FHIT: variants seen among roughly 807,000 people sequenced by gnomAD.
The protein encoded by FHIT is fragile histidine triad diadenosine triphosphatase.
A neutral mutation model predicts 17.9 loss-of-function variants in FHIT; 19 were observed. The ratio of observed to expected loss-of-function variants is 1.06; its 90% CI spans 0.74 to 1.56. The LOEUF is 1.56. Among genes scored for constraint, FHIT ranks in the 40% most tolerant of loss-of-function variants. FHIT has a pLI of 0.00. For missense variants in FHIT, 248 were observed against 189.2 expected, an observed-to-expected ratio of 1.31 and a Z score of -1.82; for synonymous variants, 81 against 69.7, an observed-to-expected ratio of 1.16 and a Z score of -0.81.
intron 2 of FHIT, among the ~76,000 whole-genome samples, chr3:61,182,352 T>C (rs2038368882): frequency 6.6e-6 from 1 of 152,230 alleles, no homozygotes; most frequent in South Asian, 2.1e-4. Flanking sequence ...ATAATATCTA[T>C]GAGCCAGTGT....
intron 5 of FHIT, among the ~76,000 whole-genome samples, chr3:60,098,070 A>T (rs1318263461): frequency 6.6e-6 from 1 of 151,230 alleles, no homozygotes; most frequent in Non-Finnish European, 1.5e-5. Flanking sequence ...GCTGCATAGT[A>T]TTCCATGGTG....
intron 5 of FHIT, among the ~76,000 whole-genome samples, chr3:60,487,211 T>C (rs2033880773): frequency 6.6e-6 from 1 of 152,076 alleles, no homozygotes. Context: ...TGCTCTACAC[T>C]CCCATTGCTG....
chr3:60,896,177 C>T (rs1220835465), intron 3 of FHIT, among the ~76,000 whole-genome samples: 2 of 152,072 alleles, frequency 1.3e-5, no homozygotes, highest in African/African-American at 4.8e-5. Context: ...TCCCCGCTCC[C>T]CTGCCACCGA....
At chr3:60,812,114 G>C (rs988559632) in intron 4 of FHIT, among the ~76,000 whole-genome samples, 10 of 151,884 alleles carry the variant, frequency 6.6e-5, no homozygotes, top group Admixed American at 2.6e-4. Flanking sequence ...ATGGAGATCT[G>C]GAAAAGTTGT....
chr3:60,521,373 G>A (rs967963339), intron 5 of FHIT, among the ~76,000 whole-genome samples: 17 of 152,044 alleles, frequency 1.1e-4, no homozygotes, highest in East Asian at 9.7e-4. Flanking sequence ...TCAACCTCCC[G>A]AGTAGCTGGG....
chr3:61,159,925 G>T (rs2037639545), intron 2 of FHIT, among the ~76,000 whole-genome samples: 1 of 152,158 alleles, frequency 6.6e-6, no homozygotes, highest in South Asian at 2.1e-4. Context: ...GTGAGGATCG[G>T]TACCTGAGAA....
intron 8 of FHIT, among the ~76,000 whole-genome samples, chr3:59,917,201 C>T (rs757042862): frequency 1.3e-5 from 2 of 152,226 alleles, no homozygotes; most frequent in South Asian, 2.1e-4. Context: ...ATGCTTGAAC[C>T]CACAGTTGCT....
intron 5 of FHIT, among the ~76,000 whole-genome samples, chr3:60,130,746 GT>G (rs1699508272): frequency 4.3e-5 from 2 of 46,978 alleles, no homozygotes; most frequent in African/African-American, 2.1e-4. Context: ...CTGAATAGGG[GT>G]GTGTGTGTGT....
chr3:60,592,490 G>A (rs1334131808), intron 4 of FHIT, among the ~76,000 whole-genome samples: 1 of 152,034 alleles, frequency 6.6e-6, no homozygotes, highest in Non-Finnish European at 1.5e-5. Flanking sequence ...TGGCACCGTG[G>A]TCATCTAAAA....
intron 2 of FHIT, among the ~76,000 whole-genome samples, chr3:61,197,206 T>C (rs992085774): frequency 6.6e-6 from 1 of 152,232 alleles, no homozygotes; most frequent in Non-Finnish European, 1.5e-5. Flanking sequence ...TAAAATTTAC[T>C]AAGCACTTTC....
At chr3:60,184,995 G>A (rs1490671023) in intron 5 of FHIT, among the ~76,000 whole-genome samples, 3 of 152,108 alleles carry the variant, frequency 2.0e-5, no homozygotes, top group Non-Finnish European at 2.9e-5. Flanking sequence ...TCTGAGCACT[G>A]TCTTACTTCT....
chr3:61,198,754 A>G (rs186006292), intron 2 of FHIT, among the ~76,000 whole-genome samples: 2 of 152,298 alleles, frequency 1.3e-5, no homozygotes, highest in East Asian at 3.9e-4. Flanking sequence ...TTGATTCCTA[A>G]GGACCAAGCA....
At chr3:60,278,349 T>C (rs1707266251) in intron 5 of FHIT, among the ~76,000 whole-genome samples, 1 of 152,182 alleles carries the variant, frequency 6.6e-6, no homozygotes, top group South Asian at 2.1e-4. Context: ...TCTATCTGAC[T>C]TGGGAGAAGG....
Position 59,907,538 on chromosome 3 carries a change from T to G in FHIT, c.348+14808A>C, listed in dbSNP as rs964857493. 3.9e-5 allele frequency among the ~76,000 whole-genome samples: 6 copies of G among 152,296 alleles called. No individual in the cohort carries two copies. In the South Asian group the frequency reaches 1.0e-3, roughly 26 times the overall value. Reference sequence around the variant, plus strand: ...TAAAATAGAGTTTCAAGCTGGATAATGGACAGAGTCAAGAGAGATAAAGCA... The same window carrying G: ...TAAAATAGAGTTTCAAGCTGGATAAGGGACAGAGTCAAGAGAGATAAAGCA... On this transcript the variant is annotated intron_variant, in intron 8 of 9. Transcript: ENST00000492590.
At chr3:60,123,708 C>T (rs1287849585) in intron 5 of FHIT, among the ~76,000 whole-genome samples, 1 of 151,762 alleles carries the variant, frequency 6.6e-6, no homozygotes, top group Non-Finnish European at 1.5e-5. Context: ...CCTTTGTCAA[C>T]TTCATTTCTC....
chr3:60,436,435 C>T (rs977246683), intron 5 of FHIT, among the ~76,000 whole-genome samples: 1 of 152,096 alleles, frequency 6.6e-6, no homozygotes, highest in African/African-American at 2.4e-5. Context: ...CAAGTATATG[C>T]AGTGTGCCCA....
At chr3:60,678,172 A>T (rs1342703680) in intron 4 of FHIT, among the ~76,000 whole-genome samples, 1 of 152,050 alleles carries the variant, frequency 6.6e-6, no homozygotes, top group Non-Finnish European at 1.5e-5. Flanking sequence ...TATTTTTAAC[A>T]ACCAATTTAT....
At position 60,722,802 on chromosome 3, in the gene FHIT, C is replaced by T. The variant is rs2041837736; in HGVS notation, c.-18+99117G>A. 2.0e-5 allele frequency among the ~76,000 whole-genome samples: 3 copies of T among 149,548 alleles called. No individual in the cohort carries two copies. The Admixed American group carries it at 2.0e-4, about 10-fold the overall frequency. ...CAGTGGCGCGATCTCGGCTCATTGC[C>T]ACCTCTGCTTCCAGGATTCAAATGA... On this transcript the variant is annotated intron_variant, in intron 4 of 9. Transcript: ENST00000492590.
At chr3:60,064,926 A>G (rs1211451981) in intron 5 of FHIT, among the ~76,000 whole-genome samples, 1 of 152,154 alleles carries the variant, frequency 6.6e-6, no homozygotes, top group Non-Finnish European at 1.5e-5. Flanking sequence ...ATTGACACTT[A>G]AAGATATAAC....
Sources: allele counts gnomAD v4.1 joint callset (sites outside exome capture counted in the v4.1 genomes callset), GRCh38; gene constraint gnomAD v4.1.1; transcripts MANE v1.5; gene names NCBI Gene and HGNC (gene_info 2026-07-23, HGNC 2026-07-21).